The following SLC44A5 variants were observed in gnomAD, a reference collection of about 807,000 sequenced individuals.
SLC44A5 encodes the protein solute carrier family 44 member 5, also known as choline transporter-like protein 5.
A neutral mutation model predicts 101.8 loss-of-function variants in SLC44A5; 57 were observed. The ratio of observed to expected loss-of-function variants is 0.56; its 90% CI spans 0.45 to 0.70. The LOEUF (loss-of-function observed/expected upper bound fraction) is 0.70, where lower values mean the gene tolerates loss of function less well. Among genes scored for constraint, SLC44A5 ranks in the 30% least tolerant of loss-of-function variants. The pLI is 0.00. For missense variants in SLC44A5, 737 were observed against 853.1 expected, an observed-to-expected ratio of 0.86 and a Z score of 1.70; for synonymous variants, 281 against 290.9, an observed-to-expected ratio of 0.97 and a Z score of 0.35.
chr1:75,656,887 G>A, the SLC44A5 span, among the ~76,000 whole-genome samples: 1 of 152,126 alleles, frequency 6.6e-6, no homozygotes, highest in Admixed American at 6.6e-5. Context: ...GGTGGCTCAT[G>A]CCTGTAATCC....
intron 3 of SLC44A5, among the ~76,000 whole-genome samples, chr1:75,383,360 T>C (rs1661039122): frequency 6.7e-6 from 1 of 148,740 alleles, no homozygotes; most frequent in Non-Finnish European, 1.5e-5. Flanking sequence ...CCCTTATTTC[T>C]TTCTCTATAC....
intron 2 of SLC44A5, among the ~76,000 whole-genome samples, chr1:75,480,846 T>G (rs1376443029): frequency 4.6e-5 from 7 of 152,128 alleles, no homozygotes; most frequent in African/African-American, 1.4e-4. Flanking sequence ...ATATATAGAT[T>G]CAATGCCATC....
At chr1:75,547,915 A>G (rs1350697126) in intron 1 of SLC44A5, among the ~76,000 whole-genome samples, 1 of 152,122 alleles carries the variant, frequency 6.6e-6, no homozygotes, top group Non-Finnish European at 1.5e-5. Context: ...TAATAGTCTA[A>G]AGTCTGCATT....
intron 2 of SLC44A5, among the ~76,000 whole-genome samples, chr1:75,436,942 C>T (rs566146199): frequency 1.2e-4 from 19 of 152,148 alleles, no homozygotes; most frequent in African/African-American, 3.4e-4. Context: ...AGGTTAGGAT[C>T]GTCAGTATCA....
chr1:75,251,148 A>G, intron 7 of SLC44A5, 62 bp downstream of exon 7: 2 of 1,342,770 alleles, frequency 1.5e-6, no homozygotes, highest in South Asian at 2.4e-5. Context: ...GAATTTCTCA[A>G]TTCTTTTATC....
chr1:75,243,219 C>T (rs944753753), intron 7 of SLC44A5, among the ~76,000 whole-genome samples: 1 of 151,996 alleles, frequency 6.6e-6, no homozygotes, highest in Non-Finnish European at 1.5e-5. Flanking sequence ...TCACTGCAGC[C>T]TCAACCTTTC....
intron 3 of SLC44A5, among the ~76,000 whole-genome samples, chr1:75,351,206 G>A (rs1012455011): frequency 1.3e-5 from 2 of 151,924 alleles, no homozygotes; most frequent in Non-Finnish European, 2.9e-5. Context: ...AATTCAAAAT[G>A]TGAATGTTTA....
chr1:75,364,312 C>T (rs1659706198), intron 3 of SLC44A5, among the ~76,000 whole-genome samples: 1 of 152,088 alleles, frequency 6.6e-6, no homozygotes, highest in African/African-American at 2.4e-5. Context: ...CTGGGGAGGC[C>T]TCAGGAAACT....
At chr1:75,655,301 TA>T in the SLC44A5 span, among the ~76,000 whole-genome samples, 1 of 152,086 alleles carries the variant, frequency 6.6e-6, no homozygotes, top group Non-Finnish European at 1.5e-5. Context: ...AAATAAAAGT[TA>T]AAAAATAAAT....
intron 2 of SLC44A5, among the ~76,000 whole-genome samples, chr1:75,433,838 T>C (rs557128070): frequency 3.9e-5 from 6 of 152,158 alleles, no homozygotes; most frequent in Non-Finnish European, 4.4e-5. Context: ...CAGTTCCACA[T>C]GGCTGAGGAG....
chr1:75,516,314 A>G (rs931956392), intron 2 of SLC44A5, among the ~76,000 whole-genome samples: 2 of 152,034 alleles, frequency 1.3e-5, no homozygotes, highest in African/African-American at 4.8e-5. Flanking sequence ...GGAGATAGAG[A>G]CCATCCTGGC....
chr1:75,696,204 T>C, the SLC44A5 span, among the ~76,000 whole-genome samples: 37,647 of 152,020 alleles, frequency 0.25, 5,015 homozygotes, highest in Non-Finnish European at 0.3. Context: ...ACACTGCTTA[T>C]TGTTGTGGCA....
At chr1:75,653,224 G>A in the SLC44A5 span, among the ~76,000 whole-genome samples, 1 of 152,184 alleles carries the variant, frequency 6.6e-6, no homozygotes, top group Non-Finnish European at 1.5e-5. Flanking sequence ...CGGGCGCACT[G>A]TAATTCCAGC....
At chr1:75,578,221 G>A (rs1570658784) in intron 1 of SLC44A5, among the ~76,000 whole-genome samples, 1 of 151,964 alleles carries the variant, frequency 6.6e-6, no homozygotes, top group Non-Finnish European at 1.5e-5. Flanking sequence ...ATATGGTTCT[G>A]TATTCATTTT....
At chr1:75,582,736 A>C (rs1441352863) in intron 1 of SLC44A5, among the ~76,000 whole-genome samples, 1 of 152,212 alleles carries the variant, frequency 6.6e-6, no homozygotes, top group East Asian at 1.9e-4. Flanking sequence ...GTATCAAGGA[A>C]ACTTTCTAAT....
chr1:75,386,124 A>G (rs1171350619), intron 3 of SLC44A5, among the ~76,000 whole-genome samples: 2 of 151,722 alleles, frequency 1.3e-5, no homozygotes, highest in Admixed American at 6.5e-5. Context: ...CAAAAACTGG[A>G]AGCATTCCCT....
chr1:75,280,848 C>T (rs1652482336), intron 5 of SLC44A5, among the ~76,000 whole-genome samples: 2 of 151,990 alleles, frequency 1.3e-5, no homozygotes, highest in Admixed American at 1.3e-4. Flanking sequence ...TGAGACCTCC[C>T]CAGTCATGCT....
Position 75,355,614 on chromosome 1 carries a change from T to C in SLC44A5, c.53-15984A>G, listed in dbSNP as rs149997655. ...CATCACATAATGATGCTTCAGTCAA[T>C]GATGAATCACATACATGAAGGTAGT... On this transcript the variant is annotated intron_variant, in intron 3 of 23. Transcript: ENST00000370859. Among the ~76,000 whole-genome samples the C allele has an allele frequency of 6.5e-4, 99 of 152,322 alleles. 2 individuals are homozygous for C. The East Asian group carries it at 0.019, about 28-fold the overall frequency.
At chr1:75,479,437 C>T (rs1029583738) in intron 2 of SLC44A5, among the ~76,000 whole-genome samples, 1 of 152,024 alleles carries the variant, frequency 6.6e-6, no homozygotes, top group African/African-American at 2.4e-5. Context: ...CACAAAAAAC[C>T]CTTCAAAAAT....
Sources: gnomAD v4.1 joint callset for allele counts (sites outside exome capture counted in the v4.1 genomes callset) on GRCh38, gnomAD v4.1.1 for gene constraint, MANE v1.5 for transcripts, NCBI Gene and HGNC (gene_info 2026-07-23, HGNC 2026-07-21) for gene names.